MVK: variants seen among roughly 807,000 people sequenced by gnomAD.
MVK encodes the protein LH receptor mRNA-binding protein.
A neutral mutation model predicts 43.2 loss-of-function variants in MVK; 34 were observed. That is an observed-to-expected ratio of 0.79 (90% CI 0.60 to 1.05). The LOEUF is 1.05. MVK is among the 50% of genes least tolerant of loss of function. MVK has a pLI of 0.00. For missense variants in MVK, 395 were observed against 504.0 expected (o/e 0.78, Z 2.07); for synonymous variants, 190 against 219.8 (o/e 0.86, Z 1.20).
At chr12:109,586,653 A>G (rs1167005980) in intron 6 of MVK, 101 bp from the exon 7 acceptor site, 1 of 1,341,864 alleles carries the variant, frequency 7.5e-7, no homozygotes. Context: ...TCTTTCCTGA[A>G]TGGGGCAAAA....
intron 3 of MVK, among the ~76,000 whole-genome samples, chr12:109,577,869 A>G (rs1885029804): frequency 6.6e-6 from 1 of 152,248 alleles, no homozygotes; most frequent in African/African-American, 2.4e-5. Flanking sequence ...GCCAGAGCAC[A>G]TGGAACTTGC....
intron 7 of MVK, 160 bp downstream of exon 7, chr12:109,586,959 T>G (rs1254790822): frequency 1.2e-6 from 1 of 811,242 alleles, no homozygotes; most frequent in Non-Finnish European, 2.0e-6. Flanking sequence ...GAAGCAGGGG[T>G]GGTGGGGAAG....
In MVK at chr12:109,580,042, C is replaced by G; in HGVS notation, c.371+96C>G. The stretch of plus-strand genomic sequence containing the variant: ...TGCTGCTGGAGAATGCACATGCTCT[C>G]TTCTAGAGCAGCAGCCATTGGCTGT... On this transcript the variant is annotated intron_variant, in intron 4 of 10. Transcript: ENST00000228510. 4.6e-6 allele frequency: 7 copies of G among 1,536,514 alleles called. No homozygotes were observed. The South Asian group carries it at 7.9e-5, about 17-fold the overall frequency.
chr12:109,579,937 G>T lies in MVK; in HGVS notation c.362G>T (p.Arg121Leu). ...CTTTACTTATACCTGTCCATCTGCCGGAAGCAGAGGTGTGTGCGTGGTCTG... is the reference window on the plus strand; with the variant it reads ...CTTTACTTATACCTGTCCATCTGCCTGAAGCAGAGGTGTGTGCGTGGTCTG... Reference protein sequence around the residue: ...AFLYLYLSICRKQRALPSLDI... With the variant: ...AFLYLYLSICLKQRALPSLDI... Residue 121 changes from arginine to leucine, a missense_variant, in exon 4 of 11, where the codon CGG becomes CTG. Transcript: ENST00000228510. 6.2e-7 allele frequency: 1 copy of T among 1,614,182 alleles called. No individual in the cohort carries two copies. The highest frequency in any genetic ancestry group is 8.5e-7 in the Non-Finnish European group (1 of 1,180,030).
At position 109,596,983 on chromosome 12, in the gene MVK, C is replaced by T. The variant is rs1885947856; in HGVS notation, c.*406C>T. The T allele has an allele frequency of 3.2e-5, 9 of 285,398 alleles. No individual in the cohort carries two copies. The highest frequency in any genetic ancestry group is 2.7e-4 in the South Asian group (8 of 29,268). The allele number at this position is 285,398 out of a possible 1,614,324, so 17.7% of individuals were successfully genotyped here. A position where few individuals can be genotyped will look rare whatever the true frequency, so the allele number is the denominator to read the frequency against. On this transcript the variant is annotated 3_prime_UTR_variant, in exon 11 of 11. Transcript: ENST00000228510. The stretch of plus-strand genomic sequence containing the variant: ...GCCTTCTCTCTCCCTTTTCAGGGAC[C>T]GCCCCCTGTCTCTCAGGGCCAGGCC...
Position 109,575,301 on chromosome 12 carries a change from A to G in MVK, c.78+401A>G, listed in dbSNP as rs567595371. Among the ~76,000 whole-genome samples the G allele has an allele frequency of 3.3e-5, 5 of 152,272 alleles. No homozygotes were observed. The South Asian group carries it at 6.2e-4, about 19-fold the overall frequency. On this transcript the variant is annotated intron_variant, in intron 2 of 10. Transcript: ENST00000228510. ...CCAAGGCATACCCTTTTATTATCCTATTTTACAAATGTGCAAACTGAGGCT... is the reference window on the plus strand; with the variant it reads ...CCAAGGCATACCCTTTTATTATCCTGTTTTACAAATGTGCAAACTGAGGCT...
rs1885210361 is a variant in MVK at position 109,581,418 on chromosome 12, T to C, written c.395T>C (p.Val132Ala). ...KQRALPSLDIVVWSELPPGAG... is the reference protein window; with the variant it reads ...KQRALPSLDIAVWSELPPGAG... ...AGGGCCCTGCCGAGCCTGGATATCG[T>C]AGTGTGGTCGGAGCTGCCCCCCGGG... The change falls in exon 5 of 11, where the codon GTA becomes GCA. Residue 132 changes from valine (V) to alanine (A), a missense_variant. By Grantham distance (64) the Val-to-Ala change is moderately conservative. Transcript: ENST00000228510. The C allele has an allele frequency of 6.2e-7, 1 of 1,614,040 alleles. No individual in the cohort carries two copies. The highest frequency in any genetic ancestry group is 1.1e-5 in the South Asian group (1 of 91,068).
chr12:109,576,467 G>A (rs1884960966), intron 3 of MVK, among the ~76,000 whole-genome samples: 1 of 152,120 alleles, frequency 6.6e-6, no homozygotes, highest in African/African-American at 2.4e-5. Context: ...ATAGACATCA[G>A]ATTGGCAGTG....
At position 109,595,197 on chromosome 12, in the gene MVK, G is replaced by A; in HGVS notation, c.1039+16G>A. ...CTCAAGCCAGGTATCCCGGGGGTAG[G>A]TGGGCCAGGCTGCCAGCCTGGGCTC... On this transcript the variant is annotated intron_variant, in intron 10 of 10. Transcript: ENST00000228510. This position sits in a 1 kb window ranked among gnomAD's most constrained non-coding sequence, Gnocchi z 5.9. The A allele has an allele frequency of 6.2e-7, 1 of 1,613,780 alleles. No homozygotes were observed.
rs568568636 is a variant in MVK, at chr12:109,597,939, G to A, written c.*1362G>A. 2 of 152,172 alleles carry A rather than the reference G, an allele frequency of 1.3e-5. No individual in the cohort carries two copies. The highest frequency in any genetic ancestry group is 1.3e-4 in the Admixed American group (2 of 15,278). The allele number at this position is 152,172 out of a possible 1,614,324, so 9.4% of individuals were successfully genotyped here. A position where few individuals can be genotyped will look rare whatever the true frequency, so the allele number is the denominator to read the frequency against. On this transcript the variant is annotated 3_prime_UTR_variant, in exon 11 of 11. Coordinates refer to ENST00000228510, the MANE Select transcript of MVK (RefSeq NM_000431.4). ...CTGCAGGGTGAGAGGAGCAGGAGCC[G>A]AGCTCCACCCCCACGCCAGCCTTGG...
rs536132032 is a variant in MVK, at chr12:109,596,645, G to A, written c.*68G>A. On this transcript the variant is annotated 3_prime_UTR_variant, in exon 11 of 11. Transcript: ENST00000228510. ...TGGATTATTCTGGGGGCTGCAGTTC[G>A]ACTCTGTGCTGGCCAGCGAGCGCCC... 100 of 1,581,236 alleles carry A rather than the reference G, an allele frequency of 6.3e-5. No individual in the cohort carries two copies. The highest frequency in any genetic ancestry group is 1.5e-4 in the Admixed American group (9 of 58,694).
rs1885984448 is a variant in MVK at position 109,597,854 on chromosome 12, A to G, written c.*1277A>G. The stretch of plus-strand genomic sequence containing the variant: ...TTTCAGGATGAGGTGAAAGCGATTC[A>G]GTGCGCGTCTGCCCTTGGCCACTAG... On this transcript the variant is annotated 3_prime_UTR_variant, in exon 11 of 11. Transcript: ENST00000228510. 1.3e-5 allele frequency: 2 copies of G among 152,220 alleles called. No individual in the cohort carries two copies. Among genetic ancestry groups the G allele is most frequent in the Non-Finnish European group, 2.9e-5 (2 of 68,056 alleles). The allele number at this position is 152,220 out of a possible 1,614,324, so 9.4% of individuals were successfully genotyped here.
chr12:109,581,671 C>A, intron 5 of MVK, 121 bp downstream of exon 5: 1 of 1,422,568 alleles, frequency 7.0e-7, no homozygotes, highest in Non-Finnish European at 9.8e-7. Flanking sequence ...GCCATTTTAA[C>A]ATGAGGAAGC....
At chr12:109,585,893 G>GA in intron 5 of MVK, 129 bp from the exon 6 acceptor site, 1 of 753,894 alleles carries the variant, frequency 1.3e-6, no homozygotes, top group Non-Finnish European at 2.4e-6. Flanking sequence ...GGTTCAGAGT[G>GA]GACTTGTTCT....
rs202172198 is a variant in MVK, at chr12:109,586,086, G to C, written c.592G>C (p.Gly198Arg). 1.9e-6 allele frequency: 3 copies of C among 1,614,068 alleles called. No homozygotes were observed. Among genetic ancestry groups the C allele is most frequent in the Non-Finnish European group, 1.7e-6 (2 of 1,180,022 alleles). Reference protein sequence around the residue: ...WAFQGERMIHGNPSGVDNAVS... With the variant: ...WAFQGERMIHRNPSGVDNAVS... ...CTTCCAAGGGGAGAGAATGATTCACGGGAACCCCTCCGGAGTGGACAATGC... is the reference window on the plus strand; with the variant it reads ...CTTCCAAGGGGAGAGAATGATTCACCGGAACCCCTCCGGAGTGGACAATGC... Residue 198 changes from glycine to arginine, a missense_variant, in exon 6 of 11, where the codon GGG (glycine) becomes CGG (arginine). Transcript: ENST00000228510.
chr12:109,592,155 G>A (rs187433953), intron 9 of MVK, among the ~76,000 whole-genome samples: 6 of 152,188 alleles, frequency 3.9e-5, no homozygotes, highest in Non-Finnish European at 8.8e-5. Context: ...GAGGCAGGAG[G>A]ATCACTTGAG....
rs978430127 is a variant in MVK, at chr12:109,595,420, T to TG, written c.1039+240dup. ...AGGAAAGTGCACCTAGAGAGCCTGGTGCAGGGCTGGGCTGTGGCTGGGGCT... is the reference window on the plus strand; with the variant it reads ...AGGAAAGTGCACCTAGAGAGCCTGGTGGCAGGGCTGGGCTGTGGCTGGGGCT... On this transcript the variant is annotated intron_variant, in intron 10 of 10. Transcript: ENST00000228510. This position sits in a 1 kb window ranked among gnomAD's most constrained non-coding sequence, Gnocchi z 5.9. Among the ~76,000 whole-genome samples the TG allele has an allele frequency of 1.3e-5, 2 of 152,108 alleles. No individual in the cohort carries two copies. Among genetic ancestry groups the TG allele is most frequent in the Non-Finnish European group, 2.9e-5 (2 of 68,028 alleles).
At chr12:109,593,958 TC>T (rs1305509254) in intron 9 of MVK, among the ~76,000 whole-genome samples, 1 of 151,720 alleles carries the variant, frequency 6.6e-6, no homozygotes, top group South Asian at 2.1e-4. Flanking sequence ...CCTCAAGTGA[TC>T]CACCCGCCTC....
upstream of MVK, chr12:109,573,712 C>T: frequency 1.6e-6 from 1 of 608,738 alleles, no homozygotes; most frequent in Non-Finnish European, 2.9e-6. Flanking sequence ...AATGTTCAAG[C>T]CTATTGGTAA....
Sources: gnomAD v4.1 joint callset for allele counts (sites outside exome capture counted in the v4.1 genomes callset) on GRCh38, gnomAD v4.1.1 for gene constraint, Gnocchi (gnomAD v3.1) non-coding constraint, MANE v1.5 for transcripts, NCBI Gene and HGNC (gene_info 2026-07-23, HGNC 2026-07-21) for gene names.